LARS2: variants seen among roughly 807,000 people sequenced by gnomAD.
The protein encoded by LARS2 is leucine--tRNA ligase, mitochondrial.
A neutral mutation model predicts 116.6 loss-of-function variants in LARS2; 81 were observed. The ratio of observed to expected loss-of-function variants is 0.69; its 90% CI spans 0.58 to 0.84. The LOEUF is 0.84. Among genes scored for constraint, LARS2 ranks in the 40% least tolerant of loss-of-function variants. The pLI, the probability that LARS2 is intolerant of heterozygous loss-of-function variation, is 0.00. For missense variants in LARS2, 968 were observed against 1,114.5 expected (o/e 0.87, Z 1.87); for synonymous variants, 396 against 407.2 (o/e 0.97, Z 0.33).
chr3:45,522,739 C>CAA lies in LARS2; in HGVS notation c.2293-1249_2293-1248dup, dbSNP rs1198212293. On this transcript the variant is annotated intron_variant, in intron 19 of 21. Transcript: ENST00000645846. ...TGGGCAACAGAGAGAGACTCTGTCT[C>CAA]AAAAAAAAAAGATACAAAAGTGTTC... is the stretch of plus-strand genomic sequence containing the variant. 4.1e-5 allele frequency among the ~76,000 whole-genome samples: 6 copies of CAA among 145,938 alleles called. No individual in the cohort carries two copies. The East Asian group carries it at 1.2e-3, about 29-fold the overall frequency.
At chr3:45,420,623 C>G (rs1431852946) in intron 6 of LARS2, among the ~76,000 whole-genome samples, 3 of 152,088 alleles carry the variant, frequency 2.0e-5, no homozygotes, top group South Asian at 2.1e-4. Context: ...TGAATAAGCC[C>G]TGAATTATTA....
intron 6 of LARS2, among the ~76,000 whole-genome samples, chr3:45,428,239 GTTTTTTTTT>G (rs35323496): frequency 2.4e-5 from 2 of 84,190 alleles, no homozygotes; most frequent in African/African-American, 5.0e-5. Flanking sequence ...ATCTTAACCT[GTTTTTTTTT>G]TTTTTTTTTT....
At chr3:45,415,808 A>C (rs1324186636) in intron 4 of LARS2, among the ~76,000 whole-genome samples, 1 of 148,078 alleles carries the variant, frequency 6.8e-6, no homozygotes, top group Admixed American at 6.8e-5. Flanking sequence ...AGATTGCACC[A>C]TTGCACTCCA....
intron 3 of LARS2, among the ~76,000 whole-genome samples, chr3:45,396,048 T>C (rs916421768): frequency 6.6e-6 from 1 of 152,234 alleles, no homozygotes; most frequent in Non-Finnish European, 1.5e-5. Context: ...TTTTTCCCTT[T>C]TGGTTTAGAT....
intron 20 of LARS2, among the ~76,000 whole-genome samples, chr3:45,540,979 G>A (rs767869170): frequency 6.6e-6 from 1 of 151,808 alleles, no homozygotes; most frequent in South Asian, 2.1e-4. Flanking sequence ...ATGGGGTCTC[G>A]CTGTGTTCCC....
chr3:45,431,959 G>C (rs535019969), intron 6 of LARS2, among the ~76,000 whole-genome samples: 2 of 152,088 alleles, frequency 1.3e-5, no homozygotes, highest in Non-Finnish European at 2.9e-5. Context: ...AGCTGAAAGT[G>C]AAAGGCTGAA....
chr3:45,467,855 G>C (rs1488335633), intron 8 of LARS2, among the ~76,000 whole-genome samples: 1 of 152,202 alleles, frequency 6.6e-6, no homozygotes, highest in African/African-American at 2.4e-5. Context: ...AGGTAGCCAA[G>C]GTGGGTAGAT....
At chr3:45,511,942 A>G (rs1575304610) in intron 15 of LARS2, among the ~76,000 whole-genome samples, 1 of 151,900 alleles carries the variant, frequency 6.6e-6, no homozygotes, top group Admixed American at 6.6e-5. Context: ...CACCTGGCCA[A>G]CTTTTTGTAT....
At chr3:45,547,291 G>C in intron 21 of LARS2, 60 bp from the exon 22 acceptor site, 1 of 1,485,170 alleles carries the variant, frequency 6.7e-7, no homozygotes, top group Non-Finnish European at 9.2e-7. Context: ...GTTTGGTATT[G>C]GGCCGCCTGC....
At chr3:45,487,416 C>G (rs983814034) in intron 11 of LARS2, among the ~76,000 whole-genome samples, 12 of 152,198 alleles carry the variant, frequency 7.9e-5, no homozygotes. Context: ...ACCTTTAGAA[C>G]ATGTCTCCCA....
Position 45,485,811 on chromosome 3 carries a change from A to C in LARS2, c.1123+15A>C. 6.7e-7 allele frequency: 1 copy of C among 1,482,982 alleles called. No individual in the cohort carries two copies. Among genetic ancestry groups the C allele is most frequent in the Non-Finnish European group, 9.4e-7 (1 of 1,064,990 alleles). 91.9% of individuals were successfully genotyped at this position (1,482,982 alleles called of 1,614,324 possible). ...TTCAAAAATAGGTAAGCAGCTATTAAAATGTAACCACAACGGTATATTTTG... is the reference window on the plus strand; with the variant it reads ...TTCAAAAATAGGTAAGCAGCTATTACAATGTAACCACAACGGTATATTTTG... On this transcript the variant is annotated intron_variant, in intron 11 of 21. Transcript: ENST00000645846.
At chr3:45,520,901 G>C (rs569812049) in intron 19 of LARS2, among the ~76,000 whole-genome samples, 21 of 152,208 alleles carry the variant, frequency 1.4e-4, no homozygotes, top group Non-Finnish European at 2.8e-4. Context: ...TTTAAGATCA[G>C]TGGGGGCCAG....
intron 8 of LARS2, among the ~76,000 whole-genome samples, chr3:45,471,860 G>C (rs1298873424): frequency 1.3e-5 from 2 of 152,116 alleles, no homozygotes; most frequent in Admixed American, 1.3e-4. Context: ...AATTTTATTA[G>C]AAGATTAATT....
At position 45,547,384 on chromosome 3, in the gene LARS2, C is replaced by T; in HGVS notation, c.2566C>T (p.Pro856Ser). ...NNKACGKIPV[P>S]QQVARDQDKV... Reference sequence around the variant, plus strand: ...TAAAGCTTGTGGCAAAATTCCTGTGCCCCAACAAGTTGCCCGGGACCAGGA... The same window carrying T: ...TAAAGCTTGTGGCAAAATTCCTGTGTCCCAACAAGTTGCCCGGGACCAGGA... The change falls in exon 22 of 22, where the codon CCC (proline) becomes TCC (serine). Residue 856 changes from proline to serine, a missense_variant. Coordinates refer to ENST00000645846, the MANE Select transcript of LARS2 (RefSeq NM_015340.4). 2 of 1,611,368 alleles carry T rather than the reference C, an allele frequency of 1.2e-6. No individual in the cohort carries two copies. Among genetic ancestry groups the T allele is most frequent in the South Asian group, 1.1e-5 (1 of 90,684 alleles).
chr3:45,496,805 G>A (rs1700020348), intron 14 of LARS2, among the ~76,000 whole-genome samples: 1 of 152,258 alleles, frequency 6.6e-6, no homozygotes. Context: ...GAAGCTGTCA[G>A]TCAACTGTGC....
Position 45,529,217 on chromosome 3 carries a change from C to T in LARS2, c.2404+5109C>T, listed in dbSNP as rs370259194. Among the ~76,000 whole-genome samples the T allele has an allele frequency of 2.5e-3, 373 of 152,148 alleles. 12 individuals are homozygous for T. The South Asian group carries it at 0.07, about 29-fold the overall frequency. ...TACAGTTTTCCATTGTTTGAATTTACGCACTCCCTATCATTGAACATTCAA... is the reference window on the plus strand; with the variant it reads ...TACAGTTTTCCATTGTTTGAATTTATGCACTCCCTATCATTGAACATTCAA... On this transcript the variant is annotated intron_variant, in intron 20 of 21. Transcript: ENST00000645846.
At chr3:45,512,445 A>AT (rs1700304936) in intron 15 of LARS2, among the ~76,000 whole-genome samples, 1 of 152,232 alleles carries the variant, frequency 6.6e-6, no homozygotes, top group Non-Finnish European at 1.5e-5. Context: ...AAAAGTTTAT[A>AT]TGTCACTATT....
At chr3:45,442,732 G>A (rs1185209841) in intron 6 of LARS2, among the ~76,000 whole-genome samples, 1 of 152,146 alleles carries the variant, frequency 6.6e-6, no homozygotes, top group Non-Finnish European at 1.5e-5. Flanking sequence ...GGCTACCCCC[G>A]ATGGAGAAGG....
In LARS2 at chr3:45,491,553, C is replaced by G. The variant is rs202154816; in HGVS notation, c.1276C>G (p.Leu426Val). The stretch of plus-strand genomic sequence containing the variant: ...GACCCGGCAGGATGCTTTTCTAGCC[C>G]TGACTCAGAAAGCCCGGGGGAAGAG... ...GMTRQDAFLA[L>V]TQKARGKRVG... Residue 426 changes from leucine to valine, a missense_variant, in exon 13 of 22, where the codon CTG becomes GTG. Transcript: ENST00000645846. 14 of 1,614,050 alleles carry G rather than the reference C, an allele frequency of 8.7e-6. No individual in the cohort carries two copies. The highest frequency in any genetic ancestry group is 1.6e-4 in the Middle Eastern group (1 of 6,084).
Sources: allele counts gnomAD v4.1 joint callset (sites outside exome capture counted in the v4.1 genomes callset), GRCh38; gene constraint gnomAD v4.1.1; transcripts MANE v1.5; gene names NCBI Gene and HGNC (gene_info 2026-07-23, HGNC 2026-07-21).